The following WDR70 variants were observed in gnomAD, a reference collection of about 807,000 sequenced individuals.
The protein encoded by WDR70 is WD repeat-containing protein 70.
A neutral mutation model predicts 88.6 loss-of-function variants in WDR70; 53 were observed. That is an observed-to-expected ratio of 0.60 (90% CI 0.48 to 0.75). The LOEUF (loss-of-function observed/expected upper bound fraction) is 0.75. WDR70 is among the 30% of genes least tolerant of loss of function. The pLI is 0.00. For missense variants in WDR70, 610 were observed against 823.2 expected, an observed-to-expected ratio of 0.74 and a Z score of 3.17; for synonymous variants, 280 against 270.0, an observed-to-expected ratio of 1.04 and a Z score of -0.36.
chr5:37,467,684 C>T (rs576540766), intron 7 of WDR70, among the ~76,000 whole-genome samples: 17 of 151,800 alleles, frequency 1.1e-4, no homozygotes, highest in East Asian at 7.7e-4. Context: ...CTAAGGTGCC[C>T]GCCACTGCGC....
At chr5:37,411,497 G>A (rs1010258828) in intron 5 of WDR70, among the ~76,000 whole-genome samples, 5 of 152,038 alleles carry the variant, frequency 3.3e-5, no homozygotes, top group Admixed American at 2.6e-4. Context: ...AGGCCAGGGC[G>A]GGTGGATCAG....
chr5:37,484,807 T>TC (rs1303428036), intron 8 of WDR70, among the ~76,000 whole-genome samples: 1 of 152,184 alleles, frequency 6.6e-6, no homozygotes, highest in Non-Finnish European at 1.5e-5. Flanking sequence ...GTGTGTTTGT[T>TC]CCCCCTTGGA....
intron 13 of WDR70, among the ~76,000 whole-genome samples, chr5:37,718,989 A>C (rs1747729397): frequency 6.6e-6 from 1 of 152,230 alleles, no homozygotes; most frequent in Admixed American, 6.5e-5. Context: ...TCTGGGGCAC[A>C]GTTTTAAATT....
intron 9 of WDR70, among the ~76,000 whole-genome samples, chr5:37,526,374 G>GA (rs777675199): frequency 8.5e-5 from 13 of 152,090 alleles, no homozygotes; most frequent in African/African-American, 2.2e-4. Context: ...CAGAACCAAA[G>GA]AAAAAACCAC....
intron 10 of WDR70, among the ~76,000 whole-genome samples, chr5:37,688,586 G>T (rs963659524): frequency 1.9e-4 from 29 of 151,874 alleles, no homozygotes; most frequent in African/African-American, 6.8e-4. Flanking sequence ...AACTTGATGG[G>T]ATATAAGGAA....
chr5:37,544,780 T>A (rs920264270), intron 9 of WDR70, among the ~76,000 whole-genome samples: 1 of 152,200 alleles, frequency 6.6e-6, no homozygotes, highest in Non-Finnish European at 1.5e-5. Flanking sequence ...GATGTGAGGG[T>A]TTCTCTTATA....
intron 5 of WDR70, among the ~76,000 whole-genome samples, chr5:37,429,652 G>A (rs1383598438): frequency 1.3e-5 from 2 of 152,040 alleles, no homozygotes; most frequent in Non-Finnish European, 2.9e-5. Flanking sequence ...GTATATGTGT[G>A]GGTTAATTTC....
rs748252222 is a variant in WDR70 at position 37,516,608 on chromosome 5, T to A, written c.917+18T>A. Reference sequence around the variant, plus strand: ...AATGATGCGTGAGTATTGTTGATAATTCATCTAATACATTCATATCTTTAG... The same window carrying A: ...AATGATGCGTGAGTATTGTTGATAAATCATCTAATACATTCATATCTTTAG... On this transcript the variant is annotated intron_variant, in intron 9 of 17. Coordinates refer to ENST00000265107, the MANE Select transcript of WDR70 (RefSeq NM_018034.4). 5 of 1,541,058 alleles carry A rather than the reference T, an allele frequency of 3.2e-6. No individual in the cohort carries two copies. In the South Asian group the frequency reaches 5.8e-5, roughly 18 times the overall value.
At chr5:37,673,775 C>T (rs1428627909) in intron 10 of WDR70, among the ~76,000 whole-genome samples, 2 of 151,984 alleles carry the variant, frequency 1.3e-5, no homozygotes, top group East Asian at 3.9e-4. Context: ...CACCCATGCC[C>T]CCTAACAACA....
chr5:37,680,608 T>C (rs1746397720), intron 10 of WDR70, among the ~76,000 whole-genome samples: 1 of 152,230 alleles, frequency 6.6e-6, no homozygotes, highest in African/African-American at 2.4e-5. Context: ...GTTTCAGTTT[T>C]CTGCATATGG....
chr5:37,671,031 T>G (rs893799534), intron 10 of WDR70, among the ~76,000 whole-genome samples: 2 of 152,250 alleles, frequency 1.3e-5, no homozygotes, highest in Non-Finnish European at 2.9e-5. Flanking sequence ...ATTTATTTTA[T>G]TTTTTAAATC....
chr5:37,467,943 T>C (rs1739209708), intron 7 of WDR70, among the ~76,000 whole-genome samples: 1 of 152,144 alleles, frequency 6.6e-6, no homozygotes, highest in Admixed American at 6.5e-5. Context: ...CTCGATCTCC[T>C]GACCTCGTGA....
intron 9 of WDR70, among the ~76,000 whole-genome samples, chr5:37,598,683 A>G (rs976314720): frequency 6.6e-6 from 1 of 152,232 alleles, no homozygotes; most frequent in African/African-American, 2.4e-5. Flanking sequence ...CTCTGAGTCT[A>G]TGCCTAAAAA....
intron 17 of WDR70, 90 bp downstream of exon 17, chr5:37,727,135 C>G (rs1409960799): frequency 6.8e-7 from 1 of 1,465,780 alleles, no homozygotes; most frequent in East Asian, 2.4e-5. Context: ...TCTAACTTCT[C>G]TATTTCTTAT....
At chr5:37,580,465 A>G (rs557577901) in intron 9 of WDR70, among the ~76,000 whole-genome samples, 2 of 152,348 alleles carry the variant, frequency 1.3e-5, no homozygotes, top group South Asian at 2.1e-4. Context: ...TTTCCCAGGA[A>G]TAGATGCAAT....
chr5:37,395,694 G>A (rs1748987387), intron 4 of WDR70, among the ~76,000 whole-genome samples: 1 of 152,118 alleles, frequency 6.6e-6, no homozygotes, highest in South Asian at 2.1e-4. Flanking sequence ...TTCAAATATA[G>A]TTAATTGAGG....
At position 37,442,845 on chromosome 5, in the gene WDR70, A is replaced by G. The variant is rs1485193939; in HGVS notation, c.553-394A>G. Among the ~76,000 whole-genome samples the G allele has an allele frequency of 2.6e-5, 4 of 152,200 alleles. No individual in the cohort carries two copies. In the East Asian group the frequency reaches 7.7e-4, roughly 29 times the overall value. On this transcript the variant is annotated intron_variant, in intron 6 of 17. Coordinates refer to ENST00000265107, the MANE Select transcript of WDR70 (RefSeq NM_018034.4). ...AGATTCATATGGTTTTCATTCAGTT[A>G]TGATTATCTTAAAAGTTTTCCTCAG...
At chr5:37,688,087 C>A in intron 10 of WDR70, 1 of 465,290 alleles carries the variant, frequency 2.1e-6, no homozygotes, top group South Asian at 4.7e-5. Context: ...TTTCAAATAT[C>A]GACATTCAAG....
intron 10 of WDR70, among the ~76,000 whole-genome samples, chr5:37,670,260 C>T (rs1014278652): frequency 1.3e-5 from 2 of 152,050 alleles, no homozygotes; most frequent in East Asian, 1.9e-4. Flanking sequence ...GACTACTGCA[C>T]GATGCTAAGA....
Sources: gnomAD v4.1 joint callset for allele counts (sites outside exome capture counted in the v4.1 genomes callset) on GRCh38, gnomAD v4.1.1 for gene constraint, MANE v1.5 for transcripts, NCBI Gene and HGNC (gene_info 2026-07-23, HGNC 2026-07-21) for gene names.